The following EDEM2 variants were observed in gnomAD, a reference collection of about 807,000 sequenced individuals.
The protein encoded by EDEM2 is ER degradation-enhancing alpha-mannosidase-like protein 2.
Under a neutral mutation model 64.8 loss-of-function variants are expected in EDEM2, and 39 were observed. That is an observed-to-expected ratio of 0.60 (90% CI 0.47 to 0.79). The LOEUF (loss-of-function observed/expected upper bound fraction) is 0.79, where lower values mean the gene tolerates loss of function less well. Ranked by LOEUF, EDEM2 falls within the 30% of genes least tolerant of loss-of-function variation. EDEM2 has a pLI of 0.00. For missense variants in EDEM2, 609 were observed against 731.3 expected (o/e 0.83, Z 1.93); for synonymous variants, 296 against 291.5 (o/e 1.02, Z -0.16).
chr20:35,126,329 G>C lies in EDEM2; in HGVS notation c.891C>G (p.Tyr297Ter). 1 of 1,614,132 alleles carries C rather than the reference G, an allele frequency of 6.2e-7. No homozygotes were observed. The highest frequency in any genetic ancestry group is 2.2e-5 in the East Asian group (1 of 44,890). Residue 297 changes from tyrosine (Y) to a stop codon, truncating the protein, a stop_gained, in exon 8 of 11, where the codon TAC becomes TAG. Coordinates refer to ENST00000374492, the MANE Select transcript of EDEM2 (RefSeq NM_018217.3). LOFTEE classifies it high-confidence loss of function. ...TCCCCTTGTACATCTGAACCCACAG[G>C]TACCAGTCATCGAAGCGGGTGTAGT... ...IRNYTRFDDW[Y>*]LWVQMYKGTV... is the part of the protein sequence containing the mutation.
Position 35,126,243 on chromosome 20 carries a change from A to G in EDEM2, c.969+8T>C, listed in dbSNP as rs1328260213. The stretch of plus-strand genomic sequence containing the variant: ...AGAAAGATGATCACATTCTTTGATC[A>G]TTCCTACCTGAAGACCAGGCCAGTA... On this transcript the variant is annotated splice_region_variant and intron_variant, in intron 8 of 10. Transcript: ENST00000374492. 6.2e-7 allele frequency: 1 copy of G among 1,611,850 alleles called. No individual in the cohort carries two copies. Among genetic ancestry groups the G allele is most frequent in the Non-Finnish European group, 8.5e-7 (1 of 1,179,462 alleles).
At position 35,139,724 on chromosome 20, in the gene EDEM2, C is replaced by T. The variant is rs1457550211; in HGVS notation, c.365-1719G>A. ...TGTACCTTATGGTAAAACTGCAGAA[C>T]ACCAAAGGGAAAAATGATCTCGAAT... is the stretch of plus-strand genomic sequence containing the variant. On this transcript the variant is annotated intron_variant, in intron 4 of 10. Transcript: ENST00000374492. 2.7e-5 allele frequency among the ~76,000 whole-genome samples: 4 copies of T among 149,338 alleles called. No individual in the cohort carries two copies. In the East Asian group the frequency reaches 7.8e-4, roughly 29 times the overall value.
intron 4 of EDEM2, among the ~76,000 whole-genome samples, chr20:35,139,593 T>G (rs1569182060): frequency 6.8e-6 from 1 of 147,880 alleles, no homozygotes; most frequent in Non-Finnish European, 1.5e-5. Flanking sequence ...GAGGTTGCAG[T>G]GAGCTGAGAT....
At chr20:35,124,159 A>C (rs1374804266) in intron 8 of EDEM2, 125 bp from the exon 9 acceptor site, 1 of 1,219,666 alleles carries the variant, frequency 8.2e-7, no homozygotes, top group Non-Finnish European at 1.1e-6. Context: ...TGAGTCTGCC[A>C]GTTACTCAGT....
chr20:35,126,107 C>T, intron 8 of EDEM2, 144 bp downstream of exon 8: 1 of 1,074,064 alleles, frequency 9.3e-7, no homozygotes, highest in Non-Finnish European at 1.3e-6. Context: ...CTAATTCACT[C>T]TAGGTCTCTC....
rs900193638 is a variant in EDEM2, at chr20:35,137,760, A to G, written c.490+120T>C. The G allele has an allele frequency of 1.5e-5, 21 of 1,426,690 alleles. No individual in the cohort carries two copies. In the African/African-American group the frequency reaches 2.3e-4, roughly 16 times the overall value. 88.4% of individuals were successfully genotyped at this position (1,426,690 alleles called of 1,614,324 possible). ...CATGGTGGGTGCCTGGTGGGTAGAA[A>G]GACCAAATACACCTGGTGAGAAATA... On this transcript the variant is annotated intron_variant, in intron 5 of 10. Coordinates refer to ENST00000374492, the MANE Select transcript of EDEM2 (RefSeq NM_018217.3).
At chr20:35,141,892 A>G (rs2085659346) in intron 4 of EDEM2, among the ~76,000 whole-genome samples, 1 of 152,220 alleles carries the variant, frequency 6.6e-6, no homozygotes, top group East Asian at 1.9e-4. Context: ...CTTAAATTTA[A>G]TATCATTAAA....
intron 7 of EDEM2, among the ~76,000 whole-genome samples, chr20:35,131,436 C>A (rs570321801): frequency 7.2e-5 from 11 of 152,232 alleles, no homozygotes; most frequent in Non-Finnish European, 1.5e-4. Context: ...CTGTAGTCCA[C>A]ACCATCACAT....
intron 6 of EDEM2, among the ~76,000 whole-genome samples, chr20:35,132,378 C>T (rs369611662): frequency 2.6e-5 from 4 of 151,698 alleles, no homozygotes; most frequent in African/African-American, 9.7e-5. Flanking sequence ...GCCGGCCAGG[C>T]GCGGTGGCTC....
chr20:35,115,665 A>G lies in EDEM2; in HGVS notation c.1505T>C (p.Met502Thr). 1 of 1,614,206 alleles carries G rather than the reference A, an allele frequency of 6.2e-7. No individual in the cohort carries two copies. The highest frequency in any genetic ancestry group is 8.5e-7 in the Non-Finnish European group (1 of 1,180,034). ...KEEQWEVEDL[M>T]REFYSLKRSR... Reference sequence around the variant, plus strand: ...CCGTTTGAGAGAGTAGAATTCCCTCATCAAGTCCTCCACCTCCCACTGCTC... The same window carrying G: ...CCGTTTGAGAGAGTAGAATTCCCTCGTCAAGTCCTCCACCTCCCACTGCTC... Residue 502 changes from methionine to threonine, a missense_variant, in exon 11 of 11, where the codon ATG becomes ACG. Met to Thr is a moderately conservative substitution (Grantham distance 81). Coordinates refer to ENST00000374492, the MANE Select transcript of EDEM2 (RefSeq NM_018217.3).
rs1219085211 is a variant in EDEM2 at position 35,146,860 on chromosome 20, T to A, written c.183A>T (p.Arg61=). 12 of 1,613,738 alleles carry A rather than the reference T, an allele frequency of 7.4e-6. No homozygotes were observed. The highest frequency in any genetic ancestry group is 1.0e-5 in the Non-Finnish European group (12 of 1,179,938). Residue 61 remains arginine, a synonymous_variant, in exon 2 of 11, where the codon CGA becomes CGT. Coordinates refer to ENST00000374492, the MANE Select transcript of EDEM2 (RefSeq NM_018217.3). ...LENAFPFDEL[R]PLTCDGHDTW... Reference sequence around the variant, plus strand: ...TGTCGTGCCCGTCACAGGTGAGAGGTCGCAGCTCATCGAAGGGAAAGGCAT... The same window carrying A: ...TGTCGTGCCCGTCACAGGTGAGAGGACGCAGCTCATCGAAGGGAAAGGCAT...
rs1162718017 is a variant in EDEM2, at chr20:35,144,994, T to C, written c.243A>G (p.Ala81=). 1.2e-6 allele frequency: 2 copies of C among 1,613,972 alleles called. No individual in the cohort carries two copies. The highest frequency in any genetic ancestry group is 1.7e-6 in the Non-Finnish European group (2 of 1,179,982). ...AGATACTTACCAGCAAGGTGTCCAG[T>C]GCATCAATTAGAGTCAGAGAAAAAC... The part of the protein sequence containing the change: ...WGSFSLTLID[A]LDTLLILGNV... Residue 81 remains alanine (A), a synonymous_variant, in exon 3 of 11, where the codon GCA becomes GCG. Transcript: ENST00000374492.
chr20:35,134,723 C>A lies in EDEM2; in HGVS notation c.702+15G>T. The A allele has an allele frequency of 6.2e-7, 1 of 1,612,006 alleles. No homozygotes were observed. Among genetic ancestry groups the A allele is most frequent in the Non-Finnish European group, 8.5e-7 (1 of 1,179,690 alleles). On this transcript the variant is annotated intron_variant, in intron 6 of 10. Coordinates refer to ENST00000374492, the MANE Select transcript of EDEM2 (RefSeq NM_018217.3). ...TAAGCAGGGACTCAAACAGGAAGGG[C>A]AGCAGCGAACCTACCAGCCCGATAT...
chr20:35,117,357 G>A (rs2085321138), intron 10 of EDEM2: 1 of 152,096 alleles, frequency 6.6e-6, no homozygotes, highest in Non-Finnish European at 1.5e-5. Context: ...TTAAAAATAT[G>A]ACTCAAATAT....
intron 1 of EDEM2, 81 bp from the exon 2 acceptor site, chr20:35,147,016 G>A: frequency 6.4e-7 from 1 of 1,559,776 alleles, no homozygotes; most frequent in Non-Finnish European, 8.7e-7. Context: ...GGCGGAAAGT[G>A]GGAATCACTA....
At chr20:35,134,972 T>G in intron 5 of EDEM2, 23 bp from the exon 6 acceptor site, 1 of 1,611,036 alleles carries the variant, frequency 6.2e-7, no homozygotes, top group Non-Finnish European at 8.5e-7. Context: ...CAAATTATGA[T>G]CCCGGACAGG....
At chr20:35,143,002 C>T (rs1249273359) in intron 3 of EDEM2, among the ~76,000 whole-genome samples, 2 of 152,148 alleles carry the variant, frequency 1.3e-5, no homozygotes, top group Admixed American at 6.5e-5. Flanking sequence ...ATGATCCACC[C>T]GCCTTGGCCT....
Position 35,134,880 on chromosome 20 carries a change from G to A in EDEM2, c.560C>T (p.Thr187Ile), listed in dbSNP as rs776743185. The change falls in exon 6 of 11, where the codon ACC (threonine) becomes ATC (isoleucine). Residue 187 changes from threonine to isoleucine, a missense_variant. Physicochemically the swap from Thr to Ile is moderately conservative, Grantham distance 89. Coordinates refer to ENST00000374492, the MANE Select transcript of EDEM2 (RefSeq NM_018217.3). ...NLLHGVNPGETPVTCTAGIGT... is the reference protein window; with the variant it reads ...NLLHGVNPGEIPVTCTAGIGT... Reference sequence around the variant, plus strand: ...AATCCCTGCCGTACAGGTGACAGGGGTCTCTCCTGGGTTCACGCCATGAAG... The same window carrying A: ...AATCCCTGCCGTACAGGTGACAGGGATCTCTCCTGGGTTCACGCCATGAAG... 1.2e-6 allele frequency: 2 copies of A among 1,614,168 alleles called. No homozygotes were observed. The highest frequency in any genetic ancestry group is 8.5e-7 in the Non-Finnish European group (1 of 1,180,038).
chr20:35,135,012 C>T lies in EDEM2; in HGVS notation c.491-63G>A, dbSNP rs1022795294. The stretch of plus-strand genomic sequence containing the variant: ...GGGGGATAGGGATAGTTCTGATACA[C>T]GCCCAAAGCCTGGGACCTTAGCCAG... On this transcript the variant is annotated intron_variant, in intron 5 of 10. Coordinates refer to ENST00000374492, the MANE Select transcript of EDEM2 (RefSeq NM_018217.3). 86 of 1,521,032 alleles carry T rather than the reference C, an allele frequency of 5.7e-5. 1 individual carries two copies. Among genetic ancestry groups the T allele is most frequent in the Non-Finnish European group, 5.0e-5 (55 of 1,107,590 alleles). 94.2% of individuals were successfully genotyped at this position (1,521,032 alleles called of 1,614,324 possible). A position where few individuals can be genotyped will look rare whatever the true frequency, so the allele number is the denominator to read the frequency against.
Sources: allele counts gnomAD v4.1 joint callset (sites outside exome capture counted in the v4.1 genomes callset), GRCh38; gene constraint gnomAD v4.1.1; transcripts MANE v1.5; gene names NCBI Gene and HGNC (gene_info 2026-07-23, HGNC 2026-07-21).